NF1: variants seen among roughly 807,000 people sequenced by gnomAD.
NF1 encodes neurofibromin.
A neutral mutation model predicts 325.7 loss-of-function variants in NF1; 122 were observed. The ratio of observed to expected loss-of-function variants is 0.37; its 90% CI spans 0.32 to 0.44. The LOEUF is 0.44. Among genes scored for constraint, NF1 ranks in the 20% least tolerant of loss-of-function variants. The pLI is 1.00. For missense variants in NF1, 2,140 were observed against 3,415.4 expected (o/e 0.63, Z 9.31); for synonymous variants, 1,091 against 1,186.0 (o/e 0.92, Z 1.65).
At chr17:31,234,153 A>G (rs1223257059) in intron 27 of NF1, among the ~76,000 whole-genome samples, 1 of 152,198 alleles carries the variant, frequency 6.6e-6, no homozygotes, top group East Asian at 1.9e-4. Context: ...TTAAGTGTAT[A>G]ATACAGTATT....
At chr17:31,366,231 G>A (rs569600482) in intron 57 of NF1, among the ~76,000 whole-genome samples, 2 of 151,974 alleles carry the variant, frequency 1.3e-5, no homozygotes, top group African/African-American at 2.4e-5. Context: ...ACCGCACCTG[G>A]CCTAAAATTT....
At position 31,097,200 on chromosome 17, in the gene NF1, G is replaced by T. The variant is rs577457113; in HGVS notation, c.60+1831G>T. On this transcript the variant is annotated intron_variant, in intron 1 of 57. Transcript: ENST00000358273. ...GGGCTGGGCGCGGTGGCTCACGCCT[G>T]TAATCCCAGCACTTTGGGATGCCAA... 2.0e-5 allele frequency among the ~76,000 whole-genome samples: 3 copies of T among 152,280 alleles called. No homozygotes were observed. In the South Asian group the frequency reaches 6.2e-4, roughly 32 times the overall value.
chr17:31,328,442 T>C (rs2069401563), intron 38 of NF1, among the ~76,000 whole-genome samples: 1 of 152,198 alleles, frequency 6.6e-6, no homozygotes, highest in Non-Finnish European at 1.5e-5. Context: ...TTGAGCAAGA[T>C]ACTGAAGTTT....
At chr17:31,172,122 G>A (rs1356293664) in intron 5 of NF1, among the ~76,000 whole-genome samples, 1 of 152,158 alleles carries the variant, frequency 6.6e-6, no homozygotes, top group Admixed American at 6.6e-5. Flanking sequence ...AGCCGAGGCA[G>A]GAGGATTGCT....
At chr17:31,210,139 A>G (rs2066701770) in intron 12 of NF1, among the ~76,000 whole-genome samples, 1 of 152,210 alleles carries the variant, frequency 6.6e-6, no homozygotes, top group Non-Finnish European at 1.5e-5. Flanking sequence ...CTTCTTCACT[A>G]GCAAGTTAGC....
intron 1 of NF1, among the ~76,000 whole-genome samples, chr17:31,132,105 A>AT (rs1460279681): frequency 1.3e-5 from 2 of 151,632 alleles, no homozygotes; most frequent in Non-Finnish European, 2.9e-5. Flanking sequence ...TAATTTTTAA[A>AT]TTTTTTTTGT....
intron 36 of NF1, chr17:31,313,847 C>A: frequency 8.8e-6 from 3 of 341,764 alleles, no homozygotes; most frequent in African/African-American, 2.2e-5. Context: ...TAATTCTATG[C>A]AACAAAACCA....
chr17:31,238,642 A>G (rs2067243258), intron 29 of NF1, among the ~76,000 whole-genome samples: 1 of 151,862 alleles, frequency 6.6e-6, no homozygotes, highest in African/African-American at 2.4e-5. Flanking sequence ...CTGAGGCAGG[A>G]GAATCGCTTG....
At chr17:31,140,835 A>G (rs554897692) in intron 1 of NF1, among the ~76,000 whole-genome samples, 2 of 152,356 alleles carry the variant, frequency 1.3e-5, no homozygotes, top group African/African-American at 4.8e-5. Flanking sequence ...ATGCTAAGTG[A>G]AATAGACCAC....
chr17:31,284,574 C>T lies in NF1; in HGVS notation c.4835+19235C>T, dbSNP rs145013039. On this transcript the variant is annotated intron_variant, in intron 36 of 57. Coordinates refer to ENST00000358273, the MANE Select transcript of NF1 (RefSeq NM_001042492.3). ...TGCTGGGATTACAGGCATGAGCCAC[C>T]GTGCCTGGCCTAATTTTTGTATATT... Among the ~76,000 whole-genome samples, 331 of 151,928 alleles carry T rather than the reference C, an allele frequency of 2.2e-3. 2 individuals carry two copies. The highest frequency in any genetic ancestry group is 7.3e-3 in the African/African-American group (303 of 41,474).
chr17:31,275,259 A>T (rs1440408217), intron 36 of NF1, among the ~76,000 whole-genome samples: 1 of 152,174 alleles, frequency 6.6e-6, no homozygotes, highest in Admixed American at 6.5e-5. Context: ...GTCTGAAAAT[A>T]CTCAATGGAA....
chr17:31,295,838 A>T, intron 36 of NF1: 1 of 1,614,224 alleles, frequency 6.2e-7, no homozygotes, highest in Non-Finnish European at 8.5e-7. Flanking sequence ...TTTGGAGGGC[A>T]TGTTGGTTGG....
At chr17:31,305,317 G>A in intron 36 of NF1, 1 of 1,614,164 alleles carries the variant, frequency 6.2e-7, no homozygotes, top group Non-Finnish European at 8.5e-7. Context: ...TGGTTGTCCA[G>A]CAGAAGTATG....
intron 11 of NF1, among the ~76,000 whole-genome samples, chr17:31,202,785 G>A (rs1447704809): frequency 3.9e-5 from 6 of 152,152 alleles, no homozygotes; most frequent in Admixed American, 3.9e-4. Context: ...AATAAGGTAT[G>A]TTTGTATTAA....
intron 50 of NF1, 62 bp downstream of exon 50, chr17:31,350,380 T>C: frequency 6.9e-7 from 1 of 1,443,866 alleles, no homozygotes; most frequent in Non-Finnish European, 9.7e-7. Context: ...TTCCAACTAA[T>C]GGAGGCAAGC....
At position 31,356,451 on chromosome 17, in the gene NF1, T is replaced by C. The variant is rs1555536631; in HGVS notation, c.7616-9T>C. 6.2e-7 allele frequency: 1 copy of C among 1,613,032 alleles called. No individual in the cohort carries two copies. The highest frequency in any genetic ancestry group is 2.2e-5 in the East Asian group (1 of 44,792). On this transcript the variant is annotated splice_polypyrimidine_tract_variant and intron_variant, in intron 51 of 57. Transcript: ENST00000358273. Reference sequence around the variant, plus strand: ...AATGAACTTGCATATTCTTAACTTTTGTTTATAGGAACAAGGAAAAGTTTT... The same window carrying C: ...AATGAACTTGCATATTCTTAACTTTCGTTTATAGGAACAAGGAAAAGTTTT...
chr17:31,143,966 C>T (rs1243849135), intron 1 of NF1, among the ~76,000 whole-genome samples: 7 of 151,994 alleles, frequency 4.6e-5, no homozygotes, highest in South Asian at 4.2e-4. Context: ...GGACTACAGG[C>T]GCCTGCCACG....
At chr17:31,128,811 A>G (rs1334783133) in intron 1 of NF1, among the ~76,000 whole-genome samples, 1 of 151,854 alleles carries the variant, frequency 6.6e-6, no homozygotes, top group Non-Finnish European at 1.5e-5. Context: ...AGTCCCAGCT[A>G]CTCGGGAGCC....
intron 57 of NF1, chr17:31,367,201 T>G: frequency 7.7e-7 from 1 of 1,302,492 alleles, no homozygotes; most frequent in Non-Finnish European, 1.0e-6. Context: ...TTACTTGCTT[T>G]TTTTTCTTCC....
Sources: allele counts gnomAD v4.1 joint callset (sites outside exome capture counted in the v4.1 genomes callset), GRCh38; gene constraint gnomAD v4.1.1; transcripts MANE v1.5; gene names NCBI Gene and HGNC (gene_info 2026-07-23, HGNC 2026-07-21).